Variants in MAP3K6 observed in about 807,000 individuals in gnomAD.
MAP3K6 encodes apoptosis signal-regulating kinase 2.
A neutral mutation model predicts 147.1 loss-of-function variants in MAP3K6; 105 were observed. The observed-to-expected ratio is 0.71, with a 90% CI of 0.61 to 0.84. The LOEUF (loss-of-function observed/expected upper bound fraction) is 0.84, where lower values mean the gene tolerates loss of function less well. Ranked by LOEUF, MAP3K6 falls within the 40% of genes least tolerant of loss-of-function variation. The probability of loss-of-function intolerance (pLI) is 0.00; values close to 1 mark genes in which losing one functional copy is unlikely to be tolerated. For missense variants in MAP3K6, 1,569 were observed against 1,715.0 expected, an observed-to-expected ratio of 0.91 and a Z score of 1.50; for synonymous variants, 695 against 732.4, an observed-to-expected ratio of 0.95 and a Z score of 0.82.
rs1264377691 is a variant in MAP3K6, at chr1:27,357,794, G to A, written c.2998C>T (p.Arg1000Cys). The A allele has an allele frequency of 6.2e-7, 1 of 1,608,658 alleles. No individual in the cohort carries two copies. Residue 1000 changes from arginine (R) to cysteine (C), a missense_variant, in exon 22 of 29, where the codon CGT becomes TGT. Arg to Cys is a radical substitution (Grantham distance 180). Coordinates refer to ENST00000357582, the MANE Select transcript of MAP3K6 (RefSeq NM_004672.5). Reference protein sequence around the residue: ...GLSLLHQESKRRAMLAAVLEQ... With the variant: ...GLSLLHQESKCRAMLAAVLEQ... ...AATACTGCGGCCAGCATGGCCCGAC[G>A]CTTGCTCTCCTGGTGCAGCAGGCTC... is the stretch of plus-strand genomic sequence containing the variant.
chr1:27,357,014 C>T lies in MAP3K6; in HGVS notation c.3359G>A (p.Gly1120Glu). The T allele has an allele frequency of 3.7e-6, 6 of 1,613,760 alleles. No individual in the cohort carries two copies. The highest frequency in any genetic ancestry group is 4.2e-6 in the Non-Finnish European group (5 of 1,179,890). ...RAVRAALGVL[G>E]PEVEKEAVSP... ...CCGTGGCATTCCCCTCCTACCCGGT[C>T]CTAGCACACCCAGGGCTGCCCGCAC... The change falls in exon 24 of 29, where the codon GGA becomes GAA. Residue 1120 changes from glycine (G) to glutamate (E), a missense_variant. By Grantham distance (98) the Gly-to-Glu change is moderately conservative. Coordinates refer to ENST00000357582, the MANE Select transcript of MAP3K6 (RefSeq NM_004672.5).
In MAP3K6 at chr1:27,362,515, G is replaced by A. The variant is rs1395669196; in HGVS notation, c.1255+126C>T. On this transcript the variant is annotated intron_variant, in intron 8 of 28. Coordinates refer to ENST00000357582, the MANE Select transcript of MAP3K6 (RefSeq NM_004672.5). ...GGTATGAGGACCCAGGTGTGGGTAT[G>A]GGCAGGACAGTCCAAAATGGATGAG... The A allele has an allele frequency of 3.7e-6, 3 of 812,148 alleles. No individual in the cohort carries two copies. In the African/African-American group the frequency reaches 5.2e-5, roughly 14 times the overall value. 50.3% of individuals were successfully genotyped at this position (812,148 alleles called of 1,614,324 possible).
At chr1:27,356,788 GCCCGTTTGGGAAC>G in intron 24 of MAP3K6, 39 bp from the exon 25 acceptor site, 1 of 1,525,940 alleles carries the variant, frequency 6.6e-7, no homozygotes, top group South Asian at 1.3e-5. Flanking sequence ...AGGCTACAAC[GCCCGTTTGGGAAC>G]CCCAGACCCC....
In MAP3K6 at chr1:27,361,173, C is replaced by A. The variant is rs755569477; in HGVS notation, c.1816G>T (p.Val606Leu). Residue 606 changes from valine to leucine, a missense_variant, in exon 13 of 29, where the codon GTA (valine) becomes TTA (leucine). Physicochemically the swap from Val to Leu is conservative, Grantham distance 32. Transcript: ENST00000357582. Reference protein sequence around the residue: ...AQDVQLCFPSVGHCQWFCGLI... With the variant: ...AQDVQLCFPSLGHCQWFCGLI... ...GCTGCGCACCACTGGCAGTGCCCTACGCTGGGGAAGCACAGCTGGACGTCC... is the reference window on the plus strand; with the variant it reads ...GCTGCGCACCACTGGCAGTGCCCTAAGCTGGGGAAGCACAGCTGGACGTCC... The A allele has an allele frequency of 1.2e-6, 2 of 1,611,464 alleles. No homozygotes were observed. The highest frequency in any genetic ancestry group is 1.3e-5 in the African/African-American group (1 of 75,056).
rs1248592414 is a variant in MAP3K6, at chr1:27,364,570, G to A, written c.504+91C>T. 14 of 1,591,662 alleles carry A rather than the reference G, an allele frequency of 8.8e-6. No individual in the cohort carries two copies. The highest frequency in any genetic ancestry group is 1.7e-5 in the Admixed American group (1 of 59,916). ...TACTTGGGATGTCAGTGGGGGGTTA[G>A]GTGACTGAGGAGGCCAGGGGGATTA... is the stretch of plus-strand genomic sequence containing the variant. On this transcript the variant is annotated intron_variant, in intron 3 of 28. Coordinates refer to ENST00000357582, the MANE Select transcript of MAP3K6 (RefSeq NM_004672.5). The surrounding 1 kb of genome is among the most constrained non-coding windows in gnomAD (Gnocchi z 4.4).
Position 27,356,735 on chromosome 1 carries a change from C to A in MAP3K6, c.3379G>T (p.Ala1127Ser). The A allele has an allele frequency of 6.4e-7, 1 of 1,569,056 alleles. No individual in the cohort carries two copies. The highest frequency in any genetic ancestry group is 8.6e-7 in the Non-Finnish European group (1 of 1,157,162). Residue 1127 changes from alanine (A) to serine (S), a missense_variant, in exon 25 of 29, where the codon GCG becomes TCG. By Grantham distance (99) the Ala-to-Ser change is moderately conservative (BLOSUM62 1). Coordinates refer to ENST00000357582, the MANE Select transcript of MAP3K6 (RefSeq NM_004672.5). ...AGCTCCTCTGACCTCGGTGAGACCG[C>A]CTCCTTCTCCACCTCTGCAGCCCAG... ...GVLGPEVEKE[A>S]VSPRSEELSN...
At position 27,360,216 on chromosome 1, in the gene MAP3K6, T is replaced by C; in HGVS notation, c.2182+25A>G. 1 of 1,612,926 alleles carries C rather than the reference T, an allele frequency of 6.2e-7. No homozygotes were observed. The highest frequency in any genetic ancestry group is 8.5e-7 in the Non-Finnish European group (1 of 1,179,280). ...TCCCATGCTTCACACCTCGGTTTCA[T>C]TCCCATCCCACACAGGGCAGGTACC... On this transcript the variant is annotated intron_variant, in intron 16 of 28. Coordinates refer to ENST00000357582, the MANE Select transcript of MAP3K6 (RefSeq NM_004672.5). This position sits in a 1 kb window ranked among gnomAD's most constrained non-coding sequence, Gnocchi z 4.5.
Position 27,359,707 on chromosome 1 carries a change from T to TC in MAP3K6, c.2319+150dup. On this transcript the variant is annotated intron_variant, in intron 17 of 28. Transcript: ENST00000357582. This position sits in a 1 kb window ranked among gnomAD's most constrained non-coding sequence, Gnocchi z 4.4. Reference sequence around the variant, plus strand: ...TGGTTTGGCTTCAGAGCTGAACCTTTCCCCTCCTTCTCTAAGGAGCCTCCC... The same window carrying TC: ...TGGTTTGGCTTCAGAGCTGAACCTTTCCCCCTCCTTCTCTAAGGAGCCTCCC... 1 of 1,387,028 alleles carries TC rather than the reference T, an allele frequency of 7.2e-7. No individual in the cohort carries two copies. Among genetic ancestry groups the TC allele is most frequent in the South Asian group, 1.4e-5 (1 of 74,048 alleles). The allele number at this position is 1,387,028 out of a possible 1,614,324, so 85.9% of individuals were successfully genotyped here.
rs757505170 is a variant in MAP3K6 at position 27,363,470 on chromosome 1, A to AG, written c.942dup (p.Cys315LeufsTer31). 16 of 1,613,682 alleles carry AG rather than the reference A, an allele frequency of 9.9e-6. No individual in the cohort carries two copies. In the East Asian group the frequency reaches 3.3e-4, roughly 34 times the overall value. On this transcript the variant is annotated frameshift_variant, in exon 6 of 29. Transcript: ENST00000357582. LOFTEE classifies it high-confidence loss of function. Reference sequence around the variant, plus strand: ...TTGAGGGCAAAAGTGTAGTGGAAGCAGACATTATGCTGCTCGGCCACATCA... The same window carrying AG: ...TTGAGGGCAAAAGTGTAGTGGAAGCAGGACATTATGCTGCTCGGCCACATCA...
Position 27,366,579 on chromosome 1 carries a change from G to T in MAP3K6, c.19C>A (p.Arg7=). ...CTGCCGGCGCGCTCCGCCCCGGACC[G>T]GGGACACGGCCCCGCCATGCGGGGG... MAGPCP[R]SGAERAGSCW... Residue 7 remains arginine, a synonymous_variant, in exon 1 of 29, where the codon CGG becomes AGG. Transcript: ENST00000357582. This position sits in a 1 kb window ranked among gnomAD's most constrained non-coding sequence, Gnocchi z 5.5. 2 of 1,079,568 alleles carry T rather than the reference G, an allele frequency of 1.9e-6. No homozygotes were observed. The highest frequency in any genetic ancestry group is 2.2e-6 in the Non-Finnish European group (2 of 891,642). The allele number at this position is 1,079,568 out of a possible 1,614,324, so 66.9% of individuals were successfully genotyped here.
chr1:27,361,813 C>T lies in MAP3K6; in HGVS notation c.1470G>A (p.Thr490=), dbSNP rs749756960. The change falls in exon 10 of 29, where the codon ACG becomes ACA. Residue 490 remains threonine, a synonymous_variant. Transcript: ENST00000357582. ...TFLLYQHFRP[T]PEPPGGPPRR... The stretch of plus-strand genomic sequence containing the variant: ...GTGGTGGCCCTCCAGGGGGCTCTGG[C>T]GTGGGCCTGAAGTGCTGGTAGAGCA... 7.5e-6 allele frequency: 12 copies of T among 1,604,980 alleles called. No individual in the cohort carries two copies. Among genetic ancestry groups the T allele is most frequent in the South Asian group, 5.6e-5 (5 of 89,744 alleles).
chr1:27,362,586 C>G, intron 8 of MAP3K6, 55 bp downstream of exon 8: 4 of 1,374,732 alleles, frequency 2.9e-6, no homozygotes, highest in Non-Finnish European at 4.0e-6. Flanking sequence ...GCCCTCTTCC[C>G]AGGCCCCTCG....
chr1:27,363,672 C>T, intron 5 of MAP3K6, 124 bp from the exon 6 acceptor site: 8 of 824,524 alleles, frequency 9.7e-6, no homozygotes. Context: ...CTCCCTCAGG[C>T]CCAGCGGACA....
chr1:27,360,748 T>G lies in MAP3K6; in HGVS notation c.2011A>C (p.Arg671=), dbSNP rs1393209462. 1 of 1,612,434 alleles carries G rather than the reference T, an allele frequency of 6.2e-7. No homozygotes were observed. Among genetic ancestry groups the G allele is most frequent in the Non-Finnish European group, 8.5e-7 (1 of 1,179,834 alleles). Residue 671 remains arginine (R), a synonymous_variant, in exon 15 of 29, where the codon AGG becomes CGG. Transcript: ENST00000357582. This position sits in a 1 kb window ranked among gnomAD's most constrained non-coding sequence, Gnocchi z 4.5. ...VVYAGRDRHT[R]VRIAIKEIPE... ...ATCTCCTTGATGGCGATGCGCACCC[T>G]CGTGTGGCGATCGCGGCCCGCGTAC...
chr1:27,357,647 G>C, intron 22 of MAP3K6, 64 bp downstream of exon 22: 2 of 1,588,912 alleles, frequency 1.3e-6, no homozygotes, highest in Admixed American at 3.4e-5. Context: ...GGTAGGGGGC[G>C]GGGACATCAA....
chr1:27,359,624 C>T lies in MAP3K6; in HGVS notation c.2320-102G>A. ...CCTGGAGATCCCAGCCTGGTCCTGC[C>T]TCTGTCAACACTCTCCCCTTGCCAT... On this transcript the variant is annotated intron_variant, in intron 17 of 28. Transcript: ENST00000357582. The surrounding 1 kb of genome is among the most constrained non-coding windows in gnomAD (Gnocchi z 4.4). The T allele has an allele frequency of 6.5e-7, 1 of 1,536,406 alleles. No homozygotes were observed. Among genetic ancestry groups the T allele is most frequent in the Non-Finnish European group, 8.9e-7 (1 of 1,128,982 alleles).
intron 24 of MAP3K6, 45 bp from the exon 25 acceptor site, chr1:27,356,794 T>C: frequency 6.6e-7 from 1 of 1,525,212 alleles, no homozygotes; most frequent in South Asian, 1.3e-5. Context: ...CAACGCCCGT[T>C]TGGGAACCCC....
rs575718060 is a variant in MAP3K6, at chr1:27,358,543, G to C, written c.2652C>G (p.Leu884=). ...SLSAEAQAFL[L]RTFEPDPRLR... ...GGCGGGGGTCTGGCTCAAAAGTTCG[G>C]AGGAGAAAGGCTTGGGCCTCGGCCG... Residue 884 remains leucine (L), a synonymous_variant, in exon 20 of 29, where the codon CTC becomes CTG. Coordinates refer to ENST00000357582, the MANE Select transcript of MAP3K6 (RefSeq NM_004672.5). This position sits in a 1 kb window ranked among gnomAD's most constrained non-coding sequence, Gnocchi z 6.2. 54 of 1,612,294 alleles carry C rather than the reference G, an allele frequency of 3.3e-5. No homozygotes were observed. In the East Asian group the frequency reaches 1.1e-3, roughly 34 times the overall value.
intron 24 of MAP3K6, 46 bp downstream of exon 24, chr1:27,356,963 G>A (rs780416965): frequency 6.3e-7 from 1 of 1,583,804 alleles, no homozygotes; most frequent in Non-Finnish European, 8.7e-7. Flanking sequence ...CGCCCAGCAA[G>A]CACCACACCC....
Sources: gnomAD v4.1 joint callset for allele counts on GRCh38, gnomAD v4.1.1 for gene constraint, Gnocchi (gnomAD v3.1) non-coding constraint, MANE v1.5 for transcripts, NCBI Gene and HGNC (gene_info 2026-07-23, HGNC 2026-07-21) for gene names.